The following DNAH7 variants were observed in gnomAD, a reference collection of about 807,000 sequenced individuals.
DNAH7 encodes the protein axonemal beta dynein heavy chain 7.
DNAH7 carries 397 observed loss-of-function variants against 444.6 expected under a neutral mutation model. The ratio of observed to expected loss-of-function variants is 0.89; its 90% CI spans 0.82 to 0.97. The LOEUF (loss-of-function observed/expected upper bound fraction) is 0.97, where lower values mean the gene tolerates loss of function less well. Ranked by LOEUF, DNAH7 falls within the 50% of genes least tolerant of loss-of-function variation. DNAH7 has a pLI of 0.00. For missense variants in DNAH7, 4,902 were observed against 4,800.8 expected, an observed-to-expected ratio of 1.02 and a Z score of -0.62; for synonymous variants, 1,636 against 1,624.4, an observed-to-expected ratio of 1.01 and a Z score of -0.17.
chr2:195,824,371 C>T lies in DNAH7; in HGVS notation c.9175G>A (p.Gly3059Ser), dbSNP rs767466015. The T allele has an allele frequency of 1.2e-6, 2 of 1,613,706 alleles. No homozygotes were observed. Among genetic ancestry groups the T allele is most frequent in the South Asian group, 1.1e-5 (1 of 91,038 alleles). Reference sequence around the variant, plus strand: ...CCAAGCCGGATACATGTACTCCCACCCTGCTTAAAGGTTTGTTTTAGTAGA... The same window carrying T: ...CCAAGCCGGATACATGTACTCCCACTCTGCTTAAAGGTTTGTTTTAGTAGA... ...PLLLKQTFKQ[G>S]GSTCIRLGDS... The change falls in exon 49 of 65, where the codon GGT (glycine) becomes AGT (serine). Residue 3059 changes from glycine (G) to serine (S), a missense_variant. Coordinates refer to ENST00000312428, the MANE Select transcript of DNAH7 (RefSeq NM_018897.3).
rs1687064077 is a variant in DNAH7, at chr2:195,906,948, A to G, written c.4166T>C (p.Val1389Ala). The G allele has an allele frequency of 6.2e-7, 1 of 1,613,366 alleles. No individual in the cohort carries two copies. The highest frequency in any genetic ancestry group is 2.2e-5 in the East Asian group (1 of 44,842). The stretch of plus-strand genomic sequence containing the variant: ...GATTTGTTGAGCAACCACAGAGAGT[A>G]CTTCCAAATCAATTCTGTTAAACTC... ...FDEFNRIDLEVLSVVAQQILT... is the reference protein window; with the variant it reads ...FDEFNRIDLEALSVVAQQILT... Residue 1389 changes from valine to alanine, a missense_variant, in exon 26 of 65, where the codon GTA becomes GCA. By Grantham distance (64) the Val-to-Ala change is moderately conservative. Transcript: ENST00000312428.
intron 19 of DNAH7, among the ~76,000 whole-genome samples, chr2:195,947,125 T>C (rs1574849668): frequency 1.4e-5 from 2 of 147,894 alleles, no homozygotes; most frequent in South Asian, 2.1e-4. Flanking sequence ...ATTATAATTA[T>C]ATATTATATA....
chr2:195,784,271 C>A (rs1695513072), intron 58 of DNAH7, among the ~76,000 whole-genome samples: 1 of 151,766 alleles, frequency 6.6e-6, no homozygotes, highest in Admixed American at 6.6e-5. Flanking sequence ...TTTTTCCTAC[C>A]TAAGCCTTGG....
intron 2 of DNAH7, among the ~76,000 whole-genome samples, chr2:196,055,059 T>C (rs937971014): frequency 2.0e-5 from 3 of 152,066 alleles, no homozygotes; most frequent in Admixed American, 1.3e-4. Context: ...TCTTAGAAAA[T>C]CATAAAATGG....
At chr2:195,927,331 A>G (rs6434805) in intron 21 of DNAH7, among the ~76,000 whole-genome samples, 146,979 of 152,136 alleles carry the variant, frequency 0.97, 71,198 homozygotes, top group East Asian at 1. Flanking sequence ...ATTTTTCTGA[A>G]AAATATCTCA....
intron 10 of DNAH7, among the ~76,000 whole-genome samples, chr2:196,003,068 T>C (rs1368365081): frequency 6.7e-6 from 1 of 148,390 alleles, no homozygotes; most frequent in Non-Finnish European, 1.5e-5. Flanking sequence ...AGGCAATGTG[T>C]CATAAAAGAA....
intron 58 of DNAH7, among the ~76,000 whole-genome samples, chr2:195,780,073 T>C (rs1427807999): frequency 6.6e-6 from 1 of 152,152 alleles, no homozygotes; most frequent in Non-Finnish European, 1.5e-5. Flanking sequence ...ATTTCTCACA[T>C]TGCAATTTAT....
rs1213741845 is a variant in DNAH7 at position 195,879,295 on chromosome 2, G to A, written c.5961+2500C>T. On this transcript the variant is annotated intron_variant, in intron 36 of 64. Coordinates refer to ENST00000312428, the MANE Select transcript of DNAH7 (RefSeq NM_018897.3). The stretch of plus-strand genomic sequence containing the variant: ...AAAAGAATAAGCAAAAATAGATCAT[G>A]TAAATGAAAACAAAAAGAAAGCAAA... Among the ~76,000 whole-genome samples the A allele has an allele frequency of 2.0e-5, 3 of 152,120 alleles. No homozygotes were observed. The East Asian group carries it at 5.8e-4, about 29-fold the overall frequency.
intron 5 of DNAH7, among the ~76,000 whole-genome samples, chr2:196,033,265 A>G (rs1696174637): frequency 6.6e-6 from 1 of 152,218 alleles, no homozygotes; most frequent in Non-Finnish European, 1.5e-5. Flanking sequence ...ATTAAAGCTA[A>G]TTAACATATC....
intron 15 of DNAH7, among the ~76,000 whole-genome samples, chr2:195,980,551 C>CA (rs1231736190): frequency 1.3e-5 from 2 of 152,076 alleles, no homozygotes; most frequent in Non-Finnish European, 2.9e-5. Flanking sequence ...AAAGATGCAT[C>CA]AAAAAATAGA....
intron 54 of DNAH7, among the ~76,000 whole-genome samples, chr2:195,803,844 A>G (rs1423284878): frequency 2.6e-5 from 4 of 152,244 alleles, no homozygotes; most frequent in African/African-American, 9.6e-5. Context: ...TGGACTCAAA[A>G]CATTCCACAC....
rs1055886384 is a variant in DNAH7, at chr2:195,932,262, T to C, written c.3471+2329A>G. On this transcript the variant is annotated intron_variant, in intron 21 of 64. Transcript: ENST00000312428. ...TAAGAATGCTTGTGATTTTTGCACA[T>C]TGATTTTGTATCCTGAGACTTTTCT... Among the ~76,000 whole-genome samples, 4 of 152,344 alleles carry C rather than the reference T, an allele frequency of 2.6e-5. No homozygotes were observed. The South Asian group carries it at 6.2e-4, about 24-fold the overall frequency.
chr2:195,884,690 T>A lies in DNAH7; in HGVS notation c.5658A>T (p.Arg1886=), dbSNP rs1701604475. Residue 1886 remains arginine, a synonymous_variant, in exon 35 of 65, where the codon CGA becomes CGT. Coordinates refer to ENST00000312428, the MANE Select transcript of DNAH7 (RefSeq NM_018897.3). The part of the protein sequence containing the change: ...LMESPISDRT[R]NTFKLQSGTE... The stretch of plus-strand genomic sequence containing the variant: ...TACCACTCTGTAATTTAAACGTATT[T>A]CGAGTTCGATCTGAAATTGGACTTT... 1.2e-6 allele frequency: 2 copies of A among 1,614,210 alleles called. No homozygotes were observed. Among genetic ancestry groups the A allele is most frequent in the South Asian group, 1.1e-5 (1 of 91,088 alleles).
Position 195,864,965 on chromosome 2 carries a change from GA to G in DNAH7, c.6689del (p.Ile2230ThrfsTer8). ...LLDNTDRSWLINYIQEILRNY... is the reference protein window; with the variant it reads ...LLDNTDRSWLXNYIQEILRNY... ...TTCTCAAAATTTCTTGAATGTAGTT[GA>G]TGAGCCAGCTTCTGTCTGTATTGTC... On this transcript the variant is annotated frameshift_variant, in exon 41 of 65. Coordinates refer to ENST00000312428, the MANE Select transcript of DNAH7 (RefSeq NM_018897.3). LOFTEE classifies it high-confidence loss of function. The G allele has an allele frequency of 6.2e-7, 1 of 1,607,184 alleles. No homozygotes were observed. The highest frequency in any genetic ancestry group is 2.2e-5 in the East Asian group (1 of 44,878).
chr2:195,962,290 T>C lies in DNAH7; in HGVS notation c.2206-1345A>G, dbSNP rs185817308. ...TATACAATGCCTATCATATGTTAAA[T>C]GGGGTATCCATTCCCTCAAATATTT... is the stretch of plus-strand genomic sequence containing the variant. On this transcript the variant is annotated intron_variant, in intron 17 of 64. Transcript: ENST00000312428. Among the ~76,000 whole-genome samples, 101 of 152,336 alleles carry C rather than the reference T, an allele frequency of 6.6e-4. 1 individual carries two copies. The highest frequency in any genetic ancestry group is 1.2e-3 in the Admixed American group (19 of 15,298).
At chr2:195,756,080 GA>G in intron 62 of DNAH7, 52 bp downstream of exon 62, 1 of 1,533,540 alleles carries the variant, frequency 6.5e-7, no homozygotes. Flanking sequence ...TTCTGACGAA[GA>G]AAATGAAACC....
Position 195,845,139 on chromosome 2 carries a change from C to T in DNAH7, c.8808G>A (p.Leu2936=). The change falls in exon 47 of 65, where the codon TTG becomes TTA. Residue 2936 remains leucine, a synonymous_variant. Coordinates refer to ENST00000312428, the MANE Select transcript of DNAH7 (RefSeq NM_018897.3). ...AGCAGGGGATATCTCTTCCTTTGCACAAAGTTGTCCACTCTTTAGTTTGAT... is the reference window on the plus strand; with the variant it reads ...AGCAGGGGATATCTCTTCCTTTGCATAAAGTTGTCCACTCTTTAGTTTGAT... The part of the protein sequence containing the change: ...RQNQTKEWTT[L]CKGRDIPCSD... 1.2e-6 allele frequency: 2 copies of T among 1,612,118 alleles called. No individual in the cohort carries two copies. Among genetic ancestry groups the T allele is most frequent in the Non-Finnish European group, 1.7e-6 (2 of 1,179,376 alleles).
intron 5 of DNAH7, among the ~76,000 whole-genome samples, chr2:196,032,727 C>G (rs1196535854): frequency 6.6e-6 from 1 of 152,152 alleles, no homozygotes; most frequent in Non-Finnish European, 1.5e-5. Context: ...CAAATTCTTT[C>G]AGAAAATAGA....
intron 61 of DNAH7, among the ~76,000 whole-genome samples, chr2:195,758,102 A>G (rs1461491583): frequency 6.6e-6 from 1 of 152,218 alleles, no homozygotes; most frequent in African/African-American, 2.4e-5. Flanking sequence ...TCTTCCAGGA[A>G]GGACACAAGA....
Sources: gnomAD v4.1 joint callset for allele counts (sites outside exome capture counted in the v4.1 genomes callset) on GRCh38, gnomAD v4.1.1 for gene constraint, MANE v1.5 for transcripts, NCBI Gene and HGNC (gene_info 2026-07-23, HGNC 2026-07-21) for gene names.